The following GSG1L variants were observed in gnomAD, a reference collection of about 807,000 sequenced individuals.
GSG1L encodes GSG1 like, also known as germ cell-specific gene 1-like protein.
GSG1L carries 24 observed loss-of-function variants against 42.1 expected under a neutral mutation model. The ratio of observed to expected loss-of-function variants is 0.57; its 90% CI spans 0.41 to 0.80. The LOEUF (loss-of-function observed/expected upper bound fraction) is 0.80. GSG1L is among the 30% of genes least tolerant of loss of function. The pLI is 0.00. For synonymous variants in GSG1L, 215 were observed against 203.5 expected (o/e 1.06, Z -0.48); for missense variants, 445 against 472.2 (o/e 0.94, Z 0.53).
intron 2 of GSG1L, among the ~76,000 whole-genome samples, chr16:27,900,069 G>A (rs1206418951): frequency 6.6e-6 from 1 of 152,158 alleles, no homozygotes; most frequent in African/African-American, 2.4e-5. Flanking sequence ...GAGCACTAAT[G>A]CAATTGTCCT....
intron 2 of GSG1L, among the ~76,000 whole-genome samples, chr16:27,902,116 T>A: frequency 6.6e-6 from 1 of 152,224 alleles, no homozygotes; most frequent in East Asian, 1.9e-4. Context: ...AGGTCTGGTC[T>A]GGCAGGATGT....
intron 2 of GSG1L, among the ~76,000 whole-genome samples, chr16:27,956,455 G>A (rs2085006069): frequency 6.6e-6 from 1 of 152,192 alleles, no homozygotes; most frequent in Non-Finnish European, 1.5e-5. Flanking sequence ...TCAGGTCCGG[G>A]TGTGGTCACT....
At chr16:27,807,396 T>G in intron 6 of GSG1L, 91 bp downstream of exon 6, 1 of 997,868 alleles carries the variant, frequency 1.0e-6, no homozygotes, top group Non-Finnish European at 1.5e-6. Context: ...CAGTGGGGGG[T>G]GGGGGCTGGC....
chr16:27,908,251 ACAGT>A (rs2084342604), intron 2 of GSG1L, among the ~76,000 whole-genome samples: 1 of 152,236 alleles, frequency 6.6e-6, no homozygotes, highest in Non-Finnish European at 1.5e-5. Context: ...GGTCAGCCAA[ACAGT>A]CTGTCTGTGC....
chr16:27,906,564 C>T (rs2084323466), intron 2 of GSG1L, among the ~76,000 whole-genome samples: 1 of 152,128 alleles, frequency 6.6e-6, no homozygotes, highest in African/African-American at 2.4e-5. Context: ...GCCCGGGGCC[C>T]TCTGCACCTC....
intron 4 of GSG1L, among the ~76,000 whole-genome samples, chr16:27,840,589 C>T (rs1050537687): frequency 2.0e-5 from 3 of 152,220 alleles, no homozygotes; most frequent in African/African-American, 7.2e-5. Flanking sequence ...GATTCACTAG[C>T]TCCTCGTGTT....
intron 2 of GSG1L, among the ~76,000 whole-genome samples, chr16:27,898,324 G>C (rs930848263): frequency 6.6e-6 from 1 of 152,110 alleles, no homozygotes; most frequent in African/African-American, 2.4e-5. Context: ...CCAAGGTAGA[G>C]ATCTGGCCCC....
Position 28,063,388 on chromosome 16 carries a change from C to G in GSG1L, c.37G>C (p.Val13Leu). The G allele has an allele frequency of 7.4e-7, 1 of 1,354,302 alleles. No homozygotes were observed. Among genetic ancestry groups the G allele is most frequent in the Non-Finnish European group, 9.6e-7 (1 of 1,043,984 alleles). The allele number at this position is 1,354,302 out of a possible 1,614,324, so 83.9% of individuals were successfully genotyped here. The stretch of plus-strand genomic sequence containing the variant: ...AGCAGCGCCAGCAGGTTCAGGGCCA[C>G]GGCCAGGAGCGCTCGGCCGCGGCGG... ...TSRRGRALLA[V>L]ALNLLALLFA... The change falls in exon 1 of 7, where the codon GTG (valine) becomes CTG (leucine). Residue 13 changes from valine to leucine, a missense_variant. This residue lies in a region of GSG1L where 156 missense variants were observed against 128.3 expected (regional missense o/e 1.22). Coordinates refer to ENST00000447459, the MANE Select transcript of GSG1L (RefSeq NM_001109763.2). The surrounding 1 kb of genome is among the most constrained non-coding windows in gnomAD (Gnocchi z 5.8).
At chr16:27,940,203 A>T (rs2084772091) in intron 2 of GSG1L, among the ~76,000 whole-genome samples, 1 of 152,126 alleles carries the variant, frequency 6.6e-6, no homozygotes, top group Non-Finnish European at 1.5e-5. Context: ...TCAGGAAACA[A>T]CAGGTTCTGG....
At chr16:27,963,373 T>A (rs1260096626) in intron 1 of GSG1L, among the ~76,000 whole-genome samples, 170 bp from the exon 2 acceptor site, 2 of 152,102 alleles carry the variant, frequency 1.3e-5, no homozygotes, top group Non-Finnish European at 2.9e-5. Context: ...GGAGTGTGGA[T>A]GGCGAAACTG....
At chr16:27,870,821 C>T (rs2083811222) in intron 3 of GSG1L, among the ~76,000 whole-genome samples, 1 of 151,426 alleles carries the variant, frequency 6.6e-6, no homozygotes, top group Non-Finnish European at 1.5e-5. Flanking sequence ...AGTTCTGCTT[C>T]TCTGGAGCCC....
At chr16:27,923,079 T>C (rs191495162) in intron 2 of GSG1L, among the ~76,000 whole-genome samples, 86 of 152,334 alleles carry the variant, frequency 5.6e-4, no homozygotes, top group African/African-American at 2.0e-3. Context: ...TAAGCCACCA[T>C]GCCTGGCTTT....
At chr16:27,907,263 G>C (rs774471677) in intron 2 of GSG1L, among the ~76,000 whole-genome samples, 5 of 152,188 alleles carry the variant, frequency 3.3e-5, no homozygotes, top group African/African-American at 4.8e-5. Context: ...CGAGCAGAGA[G>C]AGAATGGCTG....
rs576613793 is a variant in GSG1L at position 27,979,119 on chromosome 16, C to T, written c.350-15916G>A. Among the ~76,000 whole-genome samples the T allele has an allele frequency of 1.2e-4, 19 of 152,156 alleles. 1 individual carries two copies. The highest frequency in any genetic ancestry group is 3.9e-4 in the East Asian group (2 of 5,166). On this transcript the variant is annotated intron_variant, in intron 1 of 6. Coordinates refer to ENST00000447459, the MANE Select transcript of GSG1L (RefSeq NM_001109763.2). ...CTAAGCCCTTTCCTTGCTTGCCAGA[C>T]GGAAATCAGAGCGCCTTCCATCCAG...
chr16:27,980,955 T>C (rs1175763477), intron 1 of GSG1L, among the ~76,000 whole-genome samples: 1 of 150,428 alleles, frequency 6.6e-6, no homozygotes, highest in East Asian at 1.9e-4. Context: ...AGAGGGAGAT[T>C]GAGTGAATCA....
chr16:27,896,015 C>G (rs1015645433), intron 2 of GSG1L, among the ~76,000 whole-genome samples: 2 of 152,132 alleles, frequency 1.3e-5, no homozygotes, highest in South Asian at 2.1e-4. Flanking sequence ...CCCTGGGACC[C>G]TGGAGAAAAT....
At chr16:27,806,446 T>C (rs148947216) in intron 6 of GSG1L, among the ~76,000 whole-genome samples, 1 of 152,288 alleles carries the variant, frequency 6.6e-6, no homozygotes, top group African/African-American at 2.4e-5. Context: ...AGGTAAGAAT[T>C]TGAGTGCCCA....
intron 2 of GSG1L, among the ~76,000 whole-genome samples, chr16:27,957,700 G>A (rs1363057881): frequency 6.6e-6 from 1 of 152,168 alleles, no homozygotes; most frequent in Non-Finnish European, 1.5e-5. Flanking sequence ...GTCAATATAC[G>A]TGATAGTCCA....
chr16:27,902,163 C>A (rs2141043319), intron 2 of GSG1L, among the ~76,000 whole-genome samples: 1 of 152,324 alleles, frequency 6.6e-6, no homozygotes, highest in Admixed American at 6.5e-5. Flanking sequence ...GGAACCACAT[C>A]TGGCTCTGGC....
Sources: allele counts gnomAD v4.1 joint callset (sites outside exome capture counted in the v4.1 genomes callset), GRCh38; gene constraint gnomAD v4.1.1; regional missense constraint gnomAD v4.1.1; non-coding constraint Gnocchi (gnomAD v3.1); transcripts MANE v1.5; gene names NCBI Gene and HGNC (gene_info 2026-07-23, HGNC 2026-07-21).